CPLANE1: variants seen among roughly 807,000 people sequenced by gnomAD.
CPLANE1 encodes ciliogenesis and planar polarity effector complex subunit 1.
In CPLANE1, 263 loss-of-function variants were observed where a neutral mutation model predicts 362.5. The observed-to-expected ratio is 0.73, with a 90% confidence interval of 0.66 to 0.80. CPLANE1 has a LOEUF of 0.80. Among genes scored for constraint, CPLANE1 ranks in the 30% least tolerant of loss-of-function variants. The probability of loss-of-function intolerance (pLI) is 0.00; values close to 1 mark genes in which losing one functional copy is unlikely to be tolerated. For synonymous variants in CPLANE1, 1,212 were observed against 1,302.6 expected, an observed-to-expected ratio of 0.93 and a Z score of 1.50; for missense variants, 3,461 against 3,793.4, an observed-to-expected ratio of 0.91 and a Z score of 2.30.
intron 32 of CPLANE1, 152 bp from the exon 33 acceptor site, chr5:37,170,483 A>ATTT: frequency 6.3e-6 from 4 of 629,968 alleles, no homozygotes; most frequent in South Asian, 2.6e-5. Flanking sequence ...AGTCAGGGAA[A>ATTT]TTTTTTTTTT....
chr5:37,140,154 A>T (rs1409305925), intron 44 of CPLANE1: 29 of 879,232 alleles, frequency 3.3e-5, no homozygotes, highest in Non-Finnish European at 4.0e-5. Context: ...TATATGTTTC[A>T]TTCTAAATGT....
At position 37,206,257 on chromosome 5, in the gene CPLANE1, G is replaced by A. The variant is rs370057798; in HGVS notation, c.3089C>T (p.Thr1030Met). The change falls in exon 17 of 53, where the codon ACG becomes ATG. Residue 1030 changes from threonine (T) to methionine (M), a missense_variant. Coordinates refer to ENST00000651892, the MANE Select transcript of CPLANE1 (RefSeq NM_001384732.1). The part of the protein sequence containing the change: ...WLAYKLGDWK[T>M]SVSIGVAFQL... ...GAAAGCCACACCAATTGAAACAGACGTCTTCCAGTCTCCAAGTTTATATGC... is the reference window on the plus strand; with the variant it reads ...GAAAGCCACACCAATTGAAACAGACATCTTCCAGTCTCCAAGTTTATATGC... The A allele has an allele frequency of 6.4e-6, 10 of 1,551,558 alleles. No individual in the cohort carries two copies. The highest frequency in any genetic ancestry group is 4.1e-5 in the African/African-American group (3 of 73,012).
At chr5:37,114,542 C>T (rs899988771) in intron 51 of CPLANE1, among the ~76,000 whole-genome samples, 8 of 152,178 alleles carry the variant, frequency 5.3e-5, no homozygotes, top group African/African-American at 1.4e-4. Context: ...CACTGCAGCG[C>T]AGAGCCACAC....
chr5:37,141,498 G>T (rs1179234142), intron 44 of CPLANE1: 7 of 983,962 alleles, frequency 7.1e-6, no homozygotes, highest in Non-Finnish European at 8.4e-6. Flanking sequence ...CATCTAGAAA[G>T]AACTGAGAAA....
At chr5:37,151,402 T>C (rs985863064) in intron 42 of CPLANE1, among the ~76,000 whole-genome samples, 1 of 152,250 alleles carries the variant, frequency 6.6e-6, no homozygotes, top group Non-Finnish European at 1.5e-5. Flanking sequence ...AGTATGTATG[T>C]ATTCATTGGT....
intron 34 of CPLANE1, 102 bp from the exon 35 acceptor site, chr5:37,167,315 G>GT: frequency 4.6e-6 from 4 of 878,320 alleles, no homozygotes; most frequent in Non-Finnish European, 5.2e-6. Context: ...AAATTAAACT[G>GT]TGCAACAGTT....
At chr5:37,194,241 C>T (rs1324158700) in intron 21 of CPLANE1, among the ~76,000 whole-genome samples, 1 of 152,130 alleles carries the variant, frequency 6.6e-6, no homozygotes, top group South Asian at 2.1e-4. Context: ...ACTTTTTAAT[C>T]TAGCCAAATC....
At position 37,209,508 on chromosome 5, in the gene CPLANE1, A is replaced by T; in HGVS notation, c.2921-3083T>A. 7.8e-7 allele frequency: 1 copy of T among 1,275,384 alleles called. No individual in the cohort carries two copies. Among genetic ancestry groups the T allele is most frequent in the Non-Finnish European group, 1.1e-6 (1 of 872,644 alleles). The allele number at this position is 1,275,384 out of a possible 1,614,324, so 79.0% of individuals were successfully genotyped here. On this transcript the variant is annotated intron_variant, in intron 16 of 52. Transcript: ENST00000651892. The surrounding 1 kb of genome is among the most constrained non-coding windows in gnomAD (Gnocchi z 4.6). ...TCGAAACCAGCTAATTCATGAGTTA[A>T]TGCACCCTGTATTGAGTGGAGAACT...
downstream of CPLANE1, among the ~76,000 whole-genome samples, chr5:37,105,609 A>AT (rs1214291169): frequency 2.6e-5 from 4 of 152,196 alleles, no homozygotes; most frequent in Admixed American, 1.3e-4. Flanking sequence ...CTAGGCAGAG[A>AT]TTTTTTCTGA....
intron 9 of CPLANE1, among the ~76,000 whole-genome samples, chr5:37,229,807 G>A (rs1259787970): frequency 6.6e-6 from 1 of 152,006 alleles, no homozygotes; most frequent in Admixed American, 6.6e-5. Context: ...CACAATTAGC[G>A]TCACACTGCT....
Position 37,170,317 on chromosome 5 carries a change from G to T in CPLANE1, c.6186C>A (p.Asn2062Lys), listed in dbSNP as rs755471609. 9 of 1,612,632 alleles carry T rather than the reference G, an allele frequency of 5.6e-6. No individual in the cohort carries two copies. The highest frequency in any genetic ancestry group is 7.6e-6 in the Non-Finnish European group (9 of 1,178,876). The part of the protein sequence containing the change: ...MFKLVQLQQI[N>K]FMSLMQIVGS... ...CTACTATTTGCATTAGGCTCATGAA[G>T]TTGATCTGTTGCAGCTTGAATAAAA... Residue 2062 changes from asparagine to lysine, a missense_variant, in exon 33 of 53, where the codon AAC becomes AAA. Physicochemically the swap from Asn to Lys is moderately conservative, Grantham distance 94. Around this residue, in one of 2 missense-constraint regions of CPLANE1, gnomAD observed 3,380 missense variants for 3,666.1 expected, o/e 0.92. Transcript: ENST00000651892.
At chr5:37,138,638 C>A in intron 46 of CPLANE1, 82 bp downstream of exon 46, 5 of 1,432,146 alleles carry the variant, frequency 3.5e-6, no homozygotes, top group South Asian at 1.3e-5. Flanking sequence ...TCATAAAAAT[C>A]ACATTAAAAT....
the CPLANE1 span, among the ~76,000 whole-genome samples, chr5:37,087,677 C>CA: frequency 6.6e-6 from 1 of 152,156 alleles, no homozygotes; most frequent in Non-Finnish European, 1.5e-5. Context: ...AGGATGGTCT[C>CA]AATCTCCTGA....
At chr5:37,188,591 C>T (rs1784644664) in intron 21 of CPLANE1, among the ~76,000 whole-genome samples, 1 of 152,178 alleles carries the variant, frequency 6.6e-6, no homozygotes, top group South Asian at 2.1e-4. Context: ...AGTACAACCA[C>T]TATGGAAAAC....
At chr5:37,126,182 T>C (rs1051738585) in intron 46 of CPLANE1, among the ~76,000 whole-genome samples, 3 of 152,164 alleles carry the variant, frequency 2.0e-5, no homozygotes, top group Non-Finnish European at 2.9e-5. Context: ...GAAGCTGCAG[T>C]GAGCAGTGAC....
rs563865880 is a variant in CPLANE1 at position 37,127,324 on chromosome 5, G to C, written c.8793-1915C>G. Among the ~76,000 whole-genome samples, 4 of 152,268 alleles carry C rather than the reference G, an allele frequency of 2.6e-5. No homozygotes were observed. The East Asian group carries it at 7.7e-4, about 29-fold the overall frequency. ...TCTACATCAGCACTGCAGTATGATA[G>C]TTGTCCCCAGTTTTATTGCATCCTC... On this transcript the variant is annotated intron_variant, in intron 46 of 52. Transcript: ENST00000651892.
At chr5:37,138,651 G>A in intron 46 of CPLANE1, 69 bp downstream of exon 46, 1 of 1,491,654 alleles carries the variant, frequency 6.7e-7, no homozygotes, top group Non-Finnish European at 9.1e-7. Flanking sequence ...ATTAAAATAT[G>A]ACAAATTTTG....
At chr5:37,159,008 T>A (rs1331046237) in intron 38 of CPLANE1, among the ~76,000 whole-genome samples, 1 of 150,446 alleles carries the variant, frequency 6.6e-6, no homozygotes, top group Non-Finnish European at 1.5e-5. Context: ...ATGGTCTCGA[T>A]CTCCTGACCT....
Position 37,106,247 on chromosome 5 carries a change from T to C in CPLANE1, c.*1355A>G, listed in dbSNP as rs1757609767. On this transcript the variant is annotated 3_prime_UTR_variant, in exon 53 of 53. Transcript: ENST00000651892. ...TATATCAAAGAGATATCTGCACTCCTACATTTATTGCAGCTCTATTCACAA... is the reference window on the plus strand; with the variant it reads ...TATATCAAAGAGATATCTGCACTCCCACATTTATTGCAGCTCTATTCACAA... 1 of 152,396 alleles carries C rather than the reference T, an allele frequency of 6.6e-6. No homozygotes were observed. The highest frequency in any genetic ancestry group is 2.4e-5 in the African/African-American group (1 of 41,598). 9.4% of individuals were successfully genotyped at this position (152,396 alleles called of 1,614,324 possible).
Sources: allele counts gnomAD v4.1 joint callset (sites outside exome capture counted in the v4.1 genomes callset), GRCh38; gene constraint gnomAD v4.1.1; regional missense constraint gnomAD v4.1.1; non-coding constraint Gnocchi (gnomAD v3.1); transcripts MANE v1.5; gene names NCBI Gene and HGNC (gene_info 2026-07-23, HGNC 2026-07-21).